RBFOX1: variants seen among roughly 807,000 people sequenced by gnomAD.
RBFOX1 encodes the protein RNA binding fox-1 homolog 1.
Under a neutral mutation model 57.7 loss-of-function variants are expected in RBFOX1, and 8 were observed. The ratio of observed to expected loss-of-function variants is 0.14; its 90% confidence interval spans 0.08 to 0.25. The LOEUF is 0.25. Ranked by LOEUF, RBFOX1 falls within the 10% of genes least tolerant of loss-of-function variation. The pLI is 1.00. For synonymous variants in RBFOX1, 326 were observed against 222.4 expected (o/e 1.47, Z -4.15); for missense variants, 611 against 548.5 (o/e 1.11, Z -1.14).
intron 2 of RBFOX1, among the ~76,000 whole-genome samples, chr16:6,373,886 T>C (rs2090826998): frequency 1.3e-5 from 2 of 152,202 alleles, no homozygotes; most frequent in Non-Finnish European, 2.9e-5. Context: ...TTATTTTGGT[T>C]CCTTTTTGTC....
At chr16:7,225,409 C>G (rs1331208477) in intron 4 of RBFOX1, among the ~76,000 whole-genome samples, 2 of 152,164 alleles carry the variant, frequency 1.3e-5, no homozygotes, top group African/African-American at 4.8e-5. Flanking sequence ...ACGGTTGGTT[C>G]TCATTCTCTC....
At chr16:5,783,863 C>G (rs565701335) in intron 3 of RBFOX1, among the ~76,000 whole-genome samples, 1 of 152,284 alleles carries the variant, frequency 6.6e-6, no homozygotes, top group South Asian at 2.1e-4. Context: ...AAGTAAGGAT[C>G]ATAATGGGAT....
intron 1 of RBFOX1, among the ~76,000 whole-genome samples, chr16:6,170,955 A>G (rs1598026014): frequency 2.0e-5 from 3 of 152,164 alleles, no homozygotes; most frequent in Non-Finnish European, 4.4e-5. Flanking sequence ...ATTCCATGGT[A>G]TATATGTACC....
Position 6,910,573 on chromosome 16 carries a change from C to G in RBFOX1, c.-15-141484C>G, listed in dbSNP as rs115441803. ...AAAACGGCCCCTATTGGGGTAAAAT[C>G]AAAGCCTCAGCAGGGCTGCATTTCT... On this transcript the variant is annotated intron_variant, in intron 3 of 15. Coordinates refer to ENST00000550418, the MANE Select transcript of RBFOX1 (RefSeq NM_018723.4). 6.6e-3 allele frequency among the ~76,000 whole-genome samples: 999 copies of G among 152,266 alleles called. 13 individuals carry two copies. The highest frequency in any genetic ancestry group is 0.023 in the African/African-American group (945 of 41,562).
chr16:7,030,120 C>A (rs1376489712), intron 3 of RBFOX1, among the ~76,000 whole-genome samples: 1 of 152,034 alleles, frequency 6.6e-6, no homozygotes, highest in Admixed American at 6.6e-5. Flanking sequence ...GTAGATTGGC[C>A]CATAACCCTG....
chr16:6,702,070 C>G (rs904742240), intron 3 of RBFOX1, among the ~76,000 whole-genome samples: 1 of 152,074 alleles, frequency 6.6e-6, no homozygotes, highest in East Asian at 1.9e-4. Flanking sequence ...TATAACAAAC[C>G]TGCACATGTA....
intron 3 of RBFOX1, among the ~76,000 whole-genome samples, chr16:5,724,910 C>T (rs2052081598): frequency 6.6e-6 from 1 of 152,160 alleles, no homozygotes; most frequent in Non-Finnish European, 1.5e-5. Context: ...TGATTCCTGC[C>T]ACGTAGTGAA....
At chr16:5,767,946 C>CAAAA (rs5815268) in intron 3 of RBFOX1, among the ~76,000 whole-genome samples, 1 of 151,286 alleles carries the variant, frequency 6.6e-6, no homozygotes, top group African/African-American at 2.4e-5. Flanking sequence ...TCTCTGCAGA[C>CAAAA]AAAAAAAATG....
intron 1 of RBFOX1, among the ~76,000 whole-genome samples, chr16:6,124,847 C>T (rs1409671814): frequency 6.6e-6 from 1 of 152,104 alleles, no homozygotes; most frequent in Non-Finnish European, 1.5e-5. Context: ...TTTTTTAATA[C>T]ATCCAATTAT....
intron 3 of RBFOX1, among the ~76,000 whole-genome samples, chr16:6,674,299 A>T (rs190671330): frequency 1.3e-5 from 2 of 152,066 alleles, no homozygotes; most frequent in East Asian, 1.9e-4. Flanking sequence ...AAAACCAATG[A>T]CTGGGTTCTT....
At chr16:5,423,319 G>A (rs993957881) in intron 1 of RBFOX1, among the ~76,000 whole-genome samples, 1 of 151,986 alleles carries the variant, frequency 6.6e-6, no homozygotes, top group Non-Finnish European at 1.5e-5. Context: ...CACTGTCACC[G>A]GTTTTCACCT....
intron 3 of RBFOX1, among the ~76,000 whole-genome samples, chr16:6,846,038 C>A (rs925189994): frequency 6.6e-6 from 1 of 152,202 alleles, no homozygotes; most frequent in Non-Finnish European, 1.5e-5. Context: ...ATATTTCTGT[C>A]CCTCAACAAG....
At chr16:7,144,413 T>TCTC in intron 4 of RBFOX1, among the ~76,000 whole-genome samples, 1 of 48,608 alleles carries the variant, frequency 2.1e-5, no homozygotes, top group East Asian at 6.6e-4. Context: ...TCTTTTTCTT[T>TCTC]CTTCTTTTTT....
At position 6,715,650 on chromosome 16, in the gene RBFOX1, A is replaced by G. The variant is rs1205065007; in HGVS notation, c.-16+61000A>G. On this transcript the variant is annotated intron_variant, in intron 3 of 15. Coordinates refer to ENST00000550418, the MANE Select transcript of RBFOX1 (RefSeq NM_018723.4). ...CTGGCCTCATCTCCTATCCGGATAA[A>G]GATACTTGGAAAACCCATTTCTTGA... is the stretch of plus-strand genomic sequence containing the variant. Among the ~76,000 whole-genome samples the G allele has an allele frequency of 2.6e-5, 4 of 152,144 alleles. No homozygotes were observed. The East Asian group carries it at 7.7e-4, about 29-fold the overall frequency.
intron 1 of RBFOX1, among the ~76,000 whole-genome samples, chr16:5,438,027 TG>T (rs1488771868): frequency 1.3e-5 from 2 of 152,198 alleles, no homozygotes; most frequent in Non-Finnish European, 2.9e-5. Context: ...AGGGTTCAGA[TG>T]AAAAATAAAT....
intron 2 of RBFOX1, among the ~76,000 whole-genome samples, chr16:6,351,372 A>ATATTT (rs1199701253): frequency 5.8e-5 from 5 of 86,434 alleles, no homozygotes; most frequent in South Asian, 3.2e-4. Flanking sequence ...ATATATATAT[A>ATATTT]TTTTTTTTTT....
At chr16:7,027,090 C>G (rs1002658861) in intron 3 of RBFOX1, among the ~76,000 whole-genome samples, 2 of 152,108 alleles carry the variant, frequency 1.3e-5, no homozygotes, top group Non-Finnish European at 2.9e-5. Flanking sequence ...AGGGGAGGCT[C>G]TTTCCTGAAC....
intron 4 of RBFOX1, among the ~76,000 whole-genome samples, chr16:7,370,390 G>A (rs569703777): frequency 6.6e-6 from 1 of 152,218 alleles, no homozygotes; most frequent in African/African-American, 2.4e-5. Context: ...TGTGATGTGT[G>A]TGACTCCTGT....
chr16:6,744,712 A>G (rs1333533726), intron 3 of RBFOX1, among the ~76,000 whole-genome samples: 1 of 152,146 alleles, frequency 6.6e-6, no homozygotes, highest in Non-Finnish European at 1.5e-5. Flanking sequence ...AGAGAAATTC[A>G]TAGCATTAAA....
Sources: gnomAD v4.1 joint callset for allele counts (sites outside exome capture counted in the v4.1 genomes callset) on GRCh38, gnomAD v4.1.1 for gene constraint, MANE v1.5 for transcripts, NCBI Gene and HGNC (gene_info 2026-07-23, HGNC 2026-07-21) for gene names.